ELAVL3: variants seen among roughly 807,000 people sequenced by gnomAD.
The protein encoded by ELAVL3 is ELAV-like protein 3.
Under a neutral mutation model 34.2 loss-of-function variants are expected in ELAVL3, and 8 were observed. The ratio of observed to expected loss-of-function variants is 0.23; its 90% CI spans 0.14 to 0.42. The LOEUF (loss-of-function observed/expected upper bound fraction) is 0.42, where lower values mean the gene tolerates loss of function less well. Among genes scored for constraint, ELAVL3 ranks in the 10% least tolerant of loss-of-function variants. ELAVL3 has a pLI of 1.00. For missense variants in ELAVL3, 273 were observed against 518.8 expected, an observed-to-expected ratio of 0.53 and a Z score of 4.60; for synonymous variants, 209 against 222.1, an observed-to-expected ratio of 0.94 and a Z score of 0.53.
chr19:11,464,745 TACACCACAC>T (rs1970984232), intron 3 of ELAVL3, among the ~76,000 whole-genome samples: 1 of 55,610 alleles, frequency 1.8e-5, no homozygotes, highest in Non-Finnish European at 3.2e-5. Flanking sequence ...ACCACACACA[TACACCACAC>T]ACACATCACA....
chr19:11,468,583 T>C (rs578067060), intron 1 of ELAVL3, among the ~76,000 whole-genome samples: 2 of 152,092 alleles, frequency 1.3e-5, no homozygotes, highest in Non-Finnish European at 1.5e-5. Flanking sequence ...CCCGCCAAAT[T>C]TTTTTGTGTG....
intron 1 of ELAVL3, among the ~76,000 whole-genome samples, chr19:11,468,571 C>T (rs538058544): frequency 8.5e-5 from 13 of 152,208 alleles, no homozygotes; most frequent in African/African-American, 1.2e-4. Flanking sequence ...TCCACCACCA[C>T]GCCCGCCAAA....
chr19:11,464,151 C>CTCTCTATA (rs1215435723), intron 3 of ELAVL3, among the ~76,000 whole-genome samples: 16 of 86,454 alleles, frequency 1.9e-4, no homozygotes, highest in African/African-American at 4.2e-4. Context: ...CTCTCTCTCT[C>CTCTCTATA]TATATATATA....
chr19:11,478,442 C>T (rs1012011597), intron 1 of ELAVL3, among the ~76,000 whole-genome samples: 1 of 152,152 alleles, frequency 6.6e-6, no homozygotes, highest in Non-Finnish European at 1.5e-5. Context: ...GCAGTAAGTG[C>T]ACAGCCTGGG....
intron 3 of ELAVL3, among the ~76,000 whole-genome samples, chr19:11,464,134 T>TCTGTCTTG (rs1970954251): frequency 1.1e-5 from 1 of 87,556 alleles, no homozygotes; most frequent in African/African-American, 6.4e-5. Context: ...TCTCTCTCTC[T>TCTGTCTTG]CTCTCTCTCT....
chr19:11,463,701 G>A (rs527953144), intron 3 of ELAVL3, among the ~76,000 whole-genome samples: 19 of 152,132 alleles, frequency 1.2e-4, no homozygotes, highest in Admixed American at 2.6e-4. Context: ...GCCGGGTGCG[G>A]TGGCTCACAC....
chr19:11,469,519 A>T (rs2144903207), intron 1 of ELAVL3, among the ~76,000 whole-genome samples: 1 of 151,652 alleles, frequency 6.6e-6, no homozygotes, highest in Middle Eastern at 3.4e-3. Context: ...ACCTCAGGTG[A>T]TCCACCCGCC....
At chr19:11,457,714 G>C (rs311785) in intron 5 of ELAVL3, among the ~76,000 whole-genome samples, 13,750 of 152,178 alleles carry the variant, frequency 0.09, 963 homozygotes, top group African/African-American at 0.19. Flanking sequence ...GAAAAATAAG[G>C]GTGTCTAGCA....
At chr19:11,469,430 G>A (rs1470228984) in intron 1 of ELAVL3, among the ~76,000 whole-genome samples, 2 of 152,010 alleles carry the variant, frequency 1.3e-5, no homozygotes, top group South Asian at 2.1e-4. Context: ...ATAGGCATGC[G>A]CCACCATGCC....
intron 6 of ELAVL3, among the ~76,000 whole-genome samples, chr19:11,455,861 T>C (rs762843314): frequency 6.6e-6 from 1 of 152,226 alleles, no homozygotes; most frequent in Non-Finnish European, 1.5e-5. Flanking sequence ...AAGGACAGAA[T>C]TGGCTCCACT....
At position 11,454,186 on chromosome 19, in the gene ELAVL3, T is replaced by C. The variant is rs1297514642; in HGVS notation, c.*340A>G. 7.5e-5 allele frequency: 17 copies of C among 225,736 alleles called. No individual in the cohort carries two copies. The East Asian group carries it at 1.5e-3, about 20-fold the overall frequency. 14.0% of individuals were successfully genotyped at this position (225,736 alleles called of 1,614,324 possible). ...CCCCAAGCCATCCCATCGGGGGTGGTCGAGGGTGGGGGTGGGGGCACATCT... is the reference window on the plus strand; with the variant it reads ...CCCCAAGCCATCCCATCGGGGGTGGCCGAGGGTGGGGGTGGGGGCACATCT... On this transcript the variant is annotated 3_prime_UTR_variant, in exon 7 of 7. Coordinates refer to ENST00000359227, the MANE Select transcript of ELAVL3 (RefSeq NM_001420.4). The surrounding 1 kb of genome is among the most constrained non-coding windows in gnomAD (Gnocchi z 9.2).
intron 3 of ELAVL3, among the ~76,000 whole-genome samples, chr19:11,465,731 T>C (rs1971039935): frequency 6.6e-6 from 1 of 151,982 alleles, no homozygotes; most frequent in African/African-American, 2.4e-5. Flanking sequence ...CAGCTGCAGC[T>C]GCTGAGAAGG....
intron 3 of ELAVL3, among the ~76,000 whole-genome samples, chr19:11,464,880 CACAT>C (rs1970994628): frequency 1.0e-5 from 1 of 98,450 alleles, no homozygotes; most frequent in East Asian, 3.8e-4. Context: ...CACACATACA[CACAT>C]ACACACACCA....
chr19:11,480,145 G>A lies in ELAVL3; in HGVS notation c.9+455C>T, dbSNP rs1186581630. Reference sequence around the variant, plus strand: ...ACGCCCGCCTCCCGGGTGCGGCCGAGGCCCGGGGCGCGCGATCCGACGCCA... The same window carrying A: ...ACGCCCGCCTCCCGGGTGCGGCCGAAGCCCGGGGCGCGCGATCCGACGCCA... On this transcript the variant is annotated intron_variant, in intron 1 of 6. Coordinates refer to ENST00000359227, the MANE Select transcript of ELAVL3 (RefSeq NM_001420.4). This position sits in a 1 kb window ranked among gnomAD's most constrained non-coding sequence, Gnocchi z 6.8. The A allele has an allele frequency of 1.9e-5, 3 of 156,842 alleles. No homozygotes were observed. Among genetic ancestry groups the A allele is most frequent in the African/African-American group, 7.2e-5 (3 of 41,600 alleles). The allele number at this position is 156,842 out of a possible 1,614,324, so 9.7% of individuals were successfully genotyped here.
chr19:11,473,104 A>T (rs1971198636), intron 1 of ELAVL3, among the ~76,000 whole-genome samples: 2 of 150,502 alleles, frequency 1.3e-5, no homozygotes, highest in East Asian at 3.9e-4. Flanking sequence ...GGTGGCTCAC[A>T]CCTGTAATCC....
At chr19:11,465,882 C>T (rs72992967) in intron 3 of ELAVL3, among the ~76,000 whole-genome samples, 14,544 of 152,160 alleles carry the variant, frequency 0.096, 1,002 homozygotes, top group Non-Finnish European at 0.15. Flanking sequence ...GGACTGCTCA[C>T]AGGACCCTGG....
chr19:11,469,586 T>A (rs1476785941), intron 1 of ELAVL3, among the ~76,000 whole-genome samples: 1 of 152,200 alleles, frequency 6.6e-6, no homozygotes, highest in African/African-American at 2.4e-5. Flanking sequence ...AGCCGTTAAT[T>A]GATTTTCTAA....
intron 3 of ELAVL3, among the ~76,000 whole-genome samples, chr19:11,463,977 C>A (rs1312490889): frequency 1.3e-5 from 2 of 150,202 alleles, no homozygotes; most frequent in African/African-American, 2.5e-5. Flanking sequence ...TCAAAAAAAA[C>A]CCCAAAAAAT....
intron 1 of ELAVL3, among the ~76,000 whole-genome samples, chr19:11,477,907 C>G (rs920819954): frequency 2.6e-5 from 4 of 151,974 alleles, no homozygotes; most frequent in Non-Finnish European, 4.4e-5. Flanking sequence ...CCAGGCTGGT[C>G]TCGAACTCCT....
Sources: allele counts gnomAD v4.1 joint callset (sites outside exome capture counted in the v4.1 genomes callset), GRCh38; gene constraint gnomAD v4.1.1; non-coding constraint Gnocchi (gnomAD v3.1); transcripts MANE v1.5; gene names NCBI Gene and HGNC (gene_info 2026-07-23, HGNC 2026-07-21).